The following MGST1 variants were observed in gnomAD, a reference collection of about 807,000 sequenced individuals.
MGST1 encodes the protein glutathione S-transferase 12.
A neutral mutation model predicts 8.9 loss-of-function variants in MGST1; 5 were observed. That is an observed-to-expected ratio of 0.56 (90% confidence interval 0.29 to 1.19). The LOEUF (loss-of-function observed/expected upper bound fraction) is 1.19. MGST1 is among the 50% of genes most tolerant of loss of function. MGST1 has a pLI of 0.08. For synonymous variants in MGST1, 54 were observed against 67.8 expected, an observed-to-expected ratio of 0.80 and a Z score of 1.00; for missense variants, 182 against 187.4, an observed-to-expected ratio of 0.97 and a Z score of 0.17.
intron 1 of MGST1, among the ~76,000 whole-genome samples, chr12:16,414,071 A>AAT (rs1555100981): frequency 8.6e-5 from 13 of 151,654 alleles, no homozygotes; most frequent in South Asian, 2.1e-4. Flanking sequence ...ACAAAAAAAA[A>AAT]AATAATAATA....
intron 1 of MGST1, among the ~76,000 whole-genome samples, chr12:16,391,329 C>G (rs1459429091): frequency 6.6e-6 from 1 of 151,420 alleles, no homozygotes; most frequent in Non-Finnish European, 1.5e-5. Flanking sequence ...CCCCCACCCC[C>G]CGACAGGCCC....
chr12:16,552,621 C>G (rs867194806), intron 4 of MGST1, among the ~76,000 whole-genome samples: 4 of 151,978 alleles, frequency 2.6e-5, no homozygotes, highest in African/African-American at 9.7e-5. Context: ...AAAGAATTAG[C>G]TTTCCTCTTA....
chr12:16,470,775 GA>G (rs954503384), intron 4 of MGST1, among the ~76,000 whole-genome samples: 2 of 151,914 alleles, frequency 1.3e-5, no homozygotes, highest in African/African-American at 4.8e-5. Flanking sequence ...AAAATAATAT[GA>G]AAAAATCAAT....
rs1940656557 is a variant in MGST1, at chr12:16,401,695, A to G, written n.778+18091A>G. On this transcript the variant is annotated intron_variant and non_coding_transcript_variant, in intron 1 of 1. Coordinates refer to the MGST1 transcript ENST00000359720. The surrounding 1 kb of genome is among the most constrained non-coding windows in gnomAD (Gnocchi z 4.3). Reference sequence around the variant, plus strand: ...CCACCACTCTGAATGATAGGAGGGTAACACATTTCCACAGTAGAAGGGTCT... The same window carrying G: ...CCACCACTCTGAATGATAGGAGGGTGACACATTTCCACAGTAGAAGGGTCT... 6.9e-6 allele frequency: 11 copies of G among 1,603,496 alleles called. No homozygotes were observed. Among genetic ancestry groups the G allele is most frequent in the Admixed American group, 5.0e-5 (3 of 60,002 alleles).
At position 16,482,784 on chromosome 12, in the gene MGST1, C is replaced by A. The variant is rs1032494143; in HGVS notation, n.482+99180C>A. On this transcript the variant is annotated intron_variant and non_coding_transcript_variant, in intron 4 of 4. Coordinates refer to the MGST1 transcript ENST00000538857. This position sits in a 1 kb window ranked among gnomAD's most constrained non-coding sequence, Gnocchi z 4.2. The stretch of plus-strand genomic sequence containing the variant: ...GGATTAGACTATCATGTCGGATACA[C>A]CGAAATCAGAGACCTTACCCAGTGT... Among the ~76,000 whole-genome samples the A allele has an allele frequency of 1.3e-5, 2 of 152,132 alleles. No individual in the cohort carries two copies. Among genetic ancestry groups the A allele is most frequent in the Non-Finnish European group, 2.9e-5 (2 of 68,024 alleles).
At position 16,389,258 on chromosome 12, in the gene MGST1, C is replaced by T. The variant is rs745904975; in HGVS notation, n.778+5654C>T. 6.6e-6 allele frequency among the ~76,000 whole-genome samples: 1 copy of T among 152,160 alleles called. No individual in the cohort carries two copies. Among genetic ancestry groups the T allele is most frequent in the Non-Finnish European group, 1.5e-5 (1 of 68,028 alleles). ...ACTGAAAAGAAATAGTTTGTTTACT[C>T]GATGCATCAACAGTTTGTATCTCAA... On this transcript the variant is annotated intron_variant and non_coding_transcript_variant, in intron 1 of 1. Coordinates refer to the MGST1 transcript ENST00000359720. This position sits in a 1 kb window ranked among gnomAD's most constrained non-coding sequence, Gnocchi z 4.6.
intron 4 of MGST1, among the ~76,000 whole-genome samples, chr12:16,490,478 T>C (rs946591969): frequency 1.3e-5 from 2 of 152,188 alleles, no homozygotes; most frequent in African/African-American, 4.8e-5. Flanking sequence ...TACTAATATT[T>C]GCAGGTTGTT....
Position 16,361,458 on chromosome 12 carries a change from G to C in MGST1, c.222-2337G>C, listed in dbSNP as rs117563697. On this transcript the variant is annotated intron_variant, in intron 3 of 3. Coordinates refer to ENST00000396210, the MANE Select transcript of MGST1 (RefSeq NM_020300.5). This position sits in a 1 kb window ranked among gnomAD's most constrained non-coding sequence, Gnocchi z 4.2. ...AAGAAGAATGGGAAAATGTAATCAT[G>C]GGGAAGAAGGGTAATAGACCCAGGT... 6.3e-3 allele frequency among the ~76,000 whole-genome samples: 953 copies of C among 152,298 alleles called. 4 individuals are homozygous for C. The highest frequency in any genetic ancestry group is 9.6e-3 in the Non-Finnish European group (653 of 68,020).
At chr12:16,420,383 TATTCTC>T (rs1313938137) in intron 1 of MGST1, among the ~76,000 whole-genome samples, 5 of 152,220 alleles carry the variant, frequency 3.3e-5, no homozygotes, top group South Asian at 2.1e-4. Flanking sequence ...CCATTAAACT[TATTCTC>T]ATAATGAACT....
At chr12:16,400,456 C>T in intron 1 of MGST1, 1 of 800,832 alleles carries the variant, frequency 1.2e-6, no homozygotes, top group Non-Finnish European at 2.3e-6. Context: ...TTTGGAATTA[C>T]TCCAGTTTAG....
intron 1 of MGST1, among the ~76,000 whole-genome samples, chr12:16,398,644 A>G (rs1940626481): frequency 6.6e-6 from 1 of 152,248 alleles, no homozygotes; most frequent in South Asian, 2.1e-4. Flanking sequence ...GCCAGGGAGT[A>G]TCATTGCTTT....
rs1254353201 is a variant in MGST1 at position 16,430,291 on chromosome 12, A to C, written n.779-7097A>C. Among the ~76,000 whole-genome samples, 3 of 152,132 alleles carry C rather than the reference A, an allele frequency of 2.0e-5. No individual in the cohort carries two copies. The East Asian group carries it at 5.8e-4, about 29-fold the overall frequency. ...TGAGGTTTGGAAGCAACTTATTCCAAATTTTTATTAATGTTGATATTTTGA... is the reference window on the plus strand; with the variant it reads ...TGAGGTTTGGAAGCAACTTATTCCACATTTTTATTAATGTTGATATTTTGA... On this transcript the variant is annotated intron_variant and non_coding_transcript_variant, in intron 1 of 1. Transcript: ENST00000359720.
At chr12:16,358,779 CTTTTTTTTTTTTTTTT>C (rs35081887) in intron 3 of MGST1, among the ~76,000 whole-genome samples, 4 of 57,574 alleles carry the variant, frequency 6.9e-5, no homozygotes, top group Non-Finnish European at 1.2e-4. Context: ...AAATTCATTC[CTTTTTTTTTTTTTTTT>C]TTTTTTTTTT....
chr12:16,592,995 G>A (rs542379685), downstream of MGST1, among the ~76,000 whole-genome samples: 1 of 151,824 alleles, frequency 6.6e-6, no homozygotes, highest in African/African-American at 2.4e-5. Context: ...CTTGTTGCTT[G>A]TTGGGATCCC....
intron 4 of MGST1, among the ~76,000 whole-genome samples, chr12:16,507,447 T>C (rs1216767589): frequency 1.3e-5 from 2 of 152,140 alleles, no homozygotes; most frequent in African/African-American, 4.8e-5. Context: ...AATGCCAGTT[T>C]GGATGTGGTT....
In MGST1 at chr12:16,401,524, T is replaced by C. The variant is rs1940655564; in HGVS notation, n.778+17920T>C. On this transcript the variant is annotated intron_variant and non_coding_transcript_variant, in intron 1 of 1. Coordinates refer to the MGST1 transcript ENST00000359720. The surrounding 1 kb of genome is among the most constrained non-coding windows in gnomAD (Gnocchi z 4.3). Reference sequence around the variant, plus strand: ...AAGCTGGAGTAAAAAGTTGTAATTTTCTTGAACTTCCTGAGGAGGATCAGC... The same window carrying C: ...AAGCTGGAGTAAAAAGTTGTAATTTCCTTGAACTTCCTGAGGAGGATCAGC... 4.2e-6 allele frequency: 4 copies of C among 959,320 alleles called. No homozygotes were observed. The highest frequency in any genetic ancestry group is 6.7e-6 in the Non-Finnish European group (4 of 596,144). The allele number at this position is 959,320 out of a possible 1,614,324, so 59.4% of individuals were successfully genotyped here. A position where few individuals can be genotyped will look rare whatever the true frequency, so the allele number is the denominator to read the frequency against.
chr12:16,512,920 GGC>G (rs2137180885), intron 4 of MGST1, among the ~76,000 whole-genome samples: 1 of 152,190 alleles, frequency 6.6e-6, no homozygotes, highest in Admixed American at 6.5e-5. Context: ...GAGAATCAAG[GGC>G]CATGTGACCT....
intron 4 of MGST1, among the ~76,000 whole-genome samples, chr12:16,491,324 A>G (rs1941436328): frequency 6.6e-6 from 1 of 152,178 alleles, no homozygotes; most frequent in South Asian, 2.1e-4. Flanking sequence ...TCTCTGCAGG[A>G]ATTATATAAC....
Position 16,553,286 on chromosome 12 carries a change from C to T in MGST1, n.483-36242C>T, listed in dbSNP as rs1942061230. Among the ~76,000 whole-genome samples, 3 of 152,030 alleles carry T rather than the reference C, an allele frequency of 2.0e-5. No homozygotes were observed. The South Asian group carries it at 6.2e-4, about 31-fold the overall frequency. ...GTAAAGGAAGAAAAATAACCCAGGC[C>T]TTTTTGGATTCAAGACTCAAGCTTT... On this transcript the variant is annotated intron_variant and non_coding_transcript_variant, in intron 4 of 4. Coordinates refer to the MGST1 transcript ENST00000538857.
Sources: allele counts gnomAD v4.1 joint callset (sites outside exome capture counted in the v4.1 genomes callset), GRCh38; gene constraint gnomAD v4.1.1; non-coding constraint Gnocchi (gnomAD v3.1); transcripts MANE v1.5; gene names NCBI Gene and HGNC (gene_info 2026-07-23, HGNC 2026-07-21).